Variants in CPED1 observed in about 807,000 individuals in gnomAD.
CPED1 encodes the protein cadherin-like and PC-esterase domain-containing protein 1.
CPED1 carries 114 observed loss-of-function variants against 128.2 expected under a neutral mutation model. That is an observed-to-expected ratio of 0.89 (90% CI 0.76 to 1.04). CPED1 has a LOEUF of 1.04. Ranked by LOEUF, CPED1 falls within the 50% of genes least tolerant of loss-of-function variation. The pLI is 0.00. For synonymous variants in CPED1, 462 were observed against 426.7 expected, an observed-to-expected ratio of 1.08 and a Z score of -1.02; for missense variants, 1,211 against 1,207.1, an observed-to-expected ratio of 1.00 and a Z score of -0.05.
intron 2 of CPED1, among the ~76,000 whole-genome samples, chr7:120,991,765 T>A (rs1041268027): frequency 6.6e-6 from 1 of 152,196 alleles, no homozygotes; most frequent in Non-Finnish European, 1.5e-5. Context: ...TCACCAAAAA[T>A]GCCAAACACA....
At chr7:121,037,315 A>G (rs1317941248) in intron 3 of CPED1, among the ~76,000 whole-genome samples, 1 of 152,182 alleles carries the variant, frequency 6.6e-6, no homozygotes, top group Admixed American at 6.5e-5. Context: ...TGATTTTTGT[A>G]TAAGGTGAGA....
At chr7:121,230,843 G>A (rs186277798) in intron 16 of CPED1, among the ~76,000 whole-genome samples, 71 of 152,150 alleles carry the variant, frequency 4.7e-4, no homozygotes, top group African/African-American at 1.5e-3. Context: ...TGTTATTAGT[G>A]TTCTCTTTAG....
chr7:121,266,285 T>C lies in CPED1; in HGVS notation c.2369T>C (p.Leu790Pro), dbSNP rs1326785540. The C allele has an allele frequency of 6.2e-7, 1 of 1,613,198 alleles. No homozygotes were observed. Residue 790 changes from leucine (L) to proline (P), a missense_variant, in exon 19 of 23, where the codon CTG becomes CCG. Coordinates refer to ENST00000310396, the MANE Select transcript of CPED1 (RefSeq NM_024913.5). Reference sequence around the variant, plus strand: ...ATCATGTACTATCTTATTGAAAGGCTGAATGAAACGTTGCAGGAATGGCAG... The same window carrying C: ...ATCATGTACTATCTTATTGAAAGGCCGAATGAAACGTTGCAGGAATGGCAG... ...RGIMYYLIER[L>P]NETLQEWQKV... is the part of the protein sequence containing the mutation.
chr7:121,247,384 G>T (rs536574504), intron 18 of CPED1, among the ~76,000 whole-genome samples: 1 of 152,310 alleles, frequency 6.6e-6, no homozygotes, highest in East Asian at 1.9e-4. Context: ...CAAGACAATA[G>T]TAGAACAAAA....
chr7:121,136,764 A>G (rs1795793690), intron 14 of CPED1, among the ~76,000 whole-genome samples: 1 of 152,092 alleles, frequency 6.6e-6, no homozygotes, highest in African/African-American at 2.4e-5. Flanking sequence ...TAGGCCGGGC[A>G]CAGTGGCATG....
At chr7:121,204,249 G>T (rs1162913510) in intron 16 of CPED1, among the ~76,000 whole-genome samples, 1 of 152,072 alleles carries the variant, frequency 6.6e-6, no homozygotes, top group Non-Finnish European at 1.5e-5. Flanking sequence ...GTGGCCAGAA[G>T]AGACTGAGCA....
chr7:121,270,469 T>C (rs1405497687), intron 21 of CPED1, among the ~76,000 whole-genome samples: 1 of 152,156 alleles, frequency 6.6e-6, no homozygotes, highest in East Asian at 1.9e-4. Flanking sequence ...AAGGCCAGTG[T>C]CCAAAATGGT....
At chr7:121,229,102 G>A (rs1563072555) in intron 16 of CPED1, among the ~76,000 whole-genome samples, 1 of 151,960 alleles carries the variant, frequency 6.6e-6, no homozygotes, top group Non-Finnish European at 1.5e-5. Flanking sequence ...TAACAAAAAT[G>A]TATTATACTC....
chr7:121,117,009 C>T (rs59735580), intron 7 of CPED1, among the ~76,000 whole-genome samples: 1 of 146,458 alleles, frequency 6.8e-6, no homozygotes, highest in Non-Finnish European at 1.5e-5. Context: ...TACACACACA[C>T]ATATATATAC....
intron 16 of CPED1, among the ~76,000 whole-genome samples, chr7:121,210,129 A>G (rs10249979): frequency 0.98 from 148,902 of 152,134 alleles, 72,943 homozygotes; most frequent in Middle Eastern, 1. Flanking sequence ...ACCCCACTTA[A>G]AATGGCTTTT....
chr7:121,087,927 T>C (rs1463022719), intron 5 of CPED1, among the ~76,000 whole-genome samples: 1 of 152,138 alleles, frequency 6.6e-6, no homozygotes, highest in East Asian at 1.9e-4. Flanking sequence ...CCTAAAGTGC[T>C]GGGATTACAG....
At chr7:121,093,865 A>G (rs765772723) in intron 5 of CPED1, among the ~76,000 whole-genome samples, 8 of 152,190 alleles carry the variant, frequency 5.3e-5, no homozygotes, top group Non-Finnish European at 1.0e-4. Flanking sequence ...TTCCTGAACT[A>G]TACCCATGTG....
At chr7:121,276,941 A>AAACTAAT (rs1377910641) in intron 22 of CPED1, among the ~76,000 whole-genome samples, 60 of 152,266 alleles carry the variant, frequency 3.9e-4, no homozygotes, top group Admixed American at 1.5e-3. Flanking sequence ...GTTTTGTTTC[A>AAACTAAT]AACAGTTAAG....
At chr7:121,012,390 T>C (rs1050957382) in intron 2 of CPED1, among the ~76,000 whole-genome samples, 5 of 152,224 alleles carry the variant, frequency 3.3e-5, no homozygotes, top group African/African-American at 9.6e-5. Context: ...TAACACTCAT[T>C]CTTTTCTAAA....
At chr7:121,059,034 G>C (rs1033152186) in intron 4 of CPED1, among the ~76,000 whole-genome samples, 4 of 152,182 alleles carry the variant, frequency 2.6e-5, no homozygotes, top group Non-Finnish European at 1.5e-5. Flanking sequence ...ATAGTAACAT[G>C]AATTTAAAAC....
intron 2 of CPED1, among the ~76,000 whole-genome samples, chr7:120,998,601 A>G (rs1045120065): frequency 6.6e-6 from 1 of 152,184 alleles, no homozygotes; most frequent in Non-Finnish European, 1.5e-5. Context: ...TCAGTGAGCA[A>G]TAAATAATTG....
intron 3 of CPED1, among the ~76,000 whole-genome samples, chr7:121,019,363 C>T (rs1166853701): frequency 1.3e-5 from 2 of 151,878 alleles, no homozygotes; most frequent in Admixed American, 1.3e-4. Flanking sequence ...TCACTTTGTC[C>T]AAACTTATCA....
chr7:121,218,668 G>A (rs116932921), intron 16 of CPED1, among the ~76,000 whole-genome samples: 2,406 of 152,028 alleles, frequency 0.016, 43 homozygotes, highest in Admixed American at 0.03. Context: ...AGAACACATG[G>A]GCATAGGGAG....
intron 16 of CPED1, among the ~76,000 whole-genome samples, chr7:121,229,570 T>G (rs1798091686): frequency 6.6e-6 from 1 of 152,020 alleles, no homozygotes; most frequent in African/African-American, 2.4e-5. Flanking sequence ...AAATATTGCA[T>G]GATTTTCACT....
Sources: allele counts gnomAD v4.1 joint callset (sites outside exome capture counted in the v4.1 genomes callset), GRCh38; gene constraint gnomAD v4.1.1; transcripts MANE v1.5; gene names NCBI Gene and HGNC (gene_info 2026-07-23, HGNC 2026-07-21).